RSPH14: variants seen among roughly 807,000 people sequenced by gnomAD.
RSPH14 encodes radial spoke head 14 homolog, also known as rhabdoid tumor deletion region gene 1.
RSPH14 carries 20 observed loss-of-function variants against 26.7 expected under a neutral mutation model. The observed-to-expected ratio is 0.75, with a 90% CI of 0.53 to 1.09. The LOEUF (loss-of-function observed/expected upper bound fraction) is 1.09. RSPH14 is among the 50% of genes least tolerant of loss of function. The pLI, the probability that RSPH14 is intolerant of heterozygous loss-of-function variation, is 0.00. For synonymous variants in RSPH14, 177 were observed against 189.3 expected (o/e 0.93, Z 0.53); for missense variants, 449 against 457.2 (o/e 0.98, Z 0.16).
At chr22:23,065,502 G>A (rs374249140) in intron 4 of RSPH14, among the ~76,000 whole-genome samples, 68 of 109,794 alleles carry the variant, frequency 6.2e-4, no homozygotes, top group African/African-American at 2.3e-3. Flanking sequence ...CTTCTACTGT[G>A]TTGGCCTTTT....
chr22:23,130,143 GAAA>G, intron 4 of RSPH14, among the ~76,000 whole-genome samples: 2 of 116,590 alleles, frequency 1.7e-5, no homozygotes, highest in East Asian at 2.6e-4. Flanking sequence ...AAGAAAGAAA[GAAA>G]GAAAGAAAGA....
At chr22:23,115,164 A>T (rs538190986) in intron 4 of RSPH14, among the ~76,000 whole-genome samples, 1 of 152,224 alleles carries the variant, frequency 6.6e-6, no homozygotes, top group African/African-American at 2.4e-5. Context: ...GGGAGACCAG[A>T]TGGGTCAGTA....
intron 3 of RSPH14, among the ~76,000 whole-genome samples, chr22:23,135,055 C>T (rs887686178): frequency 6.6e-6 from 1 of 152,004 alleles, no homozygotes; most frequent in African/African-American, 2.4e-5. Flanking sequence ...CCTGTGTTCC[C>T]ACCTACTCAG....
intron 4 of RSPH14, among the ~76,000 whole-genome samples, chr22:23,104,678 T>TG (rs1480581345): frequency 6.6e-6 from 1 of 152,226 alleles, no homozygotes; most frequent in Non-Finnish European, 1.5e-5. Flanking sequence ...CTGGGGGCCT[T>TG]GCTGACTTGG....
At chr22:23,078,921 G>A (rs542421649) in intron 4 of RSPH14, among the ~76,000 whole-genome samples, 20 of 152,336 alleles carry the variant, frequency 1.3e-4, no homozygotes, top group East Asian at 7.7e-4. Context: ...GGGGCTGTGC[G>A]TCTACCCGTG....
At chr22:23,122,825 T>G (rs1044918334) in intron 4 of RSPH14, 2 of 549,766 alleles carry the variant, frequency 3.6e-6, no homozygotes, top group African/African-American at 3.8e-5. Context: ...TTGAGATCAC[T>G]GGCACCCAGA....
the RSPH14 span, chr22:23,153,060 C>G: frequency 6.6e-4 from 1,072 of 1,614,082 alleles, 6 homozygotes; most frequent in African/African-American, 6.3e-3. Flanking sequence ...TTGATCGAGA[C>G]TACAAGGCCA....
chr22:23,162,497 C>G, the RSPH14 span: 2 of 395,206 alleles, frequency 5.1e-6, no homozygotes, highest in Non-Finnish European at 1.0e-5. Context: ...TAATGGTGTC[C>G]ATGCACCTTT....
chr22:23,159,413 C>A, the RSPH14 span, among the ~76,000 whole-genome samples: 2 of 152,242 alleles, frequency 1.3e-5, no homozygotes, highest in South Asian at 4.1e-4. Flanking sequence ...TGGTGCCTGG[C>A]AGCACTTTCA....
intron 4 of RSPH14, chr22:23,123,506 C>A: frequency 1.1e-6 from 1 of 928,768 alleles, no homozygotes; most frequent in Non-Finnish European, 1.7e-6. Context: ...CTAGAGAGGC[C>A]CAATCCAGGG....
chr22:23,152,891 T>C, the RSPH14 span: 10 of 668,680 alleles, frequency 1.5e-5, 1 homozygote, highest in African/African-American at 5.4e-5. Context: ...CTGGCTGCCC[T>C]GCCCACCCAT....
chr22:23,128,758 T>C (rs1164695298), intron 4 of RSPH14, among the ~76,000 whole-genome samples: 1 of 152,070 alleles, frequency 6.6e-6, no homozygotes, highest in Non-Finnish European at 1.5e-5. Flanking sequence ...GTCAAATGAA[T>C]GAAGGAATGA....
chr22:23,091,373 C>T (rs1237759001), intron 4 of RSPH14, among the ~76,000 whole-genome samples: 1 of 152,052 alleles, frequency 6.6e-6, no homozygotes, highest in Non-Finnish European at 1.5e-5. Context: ...CGCACACATA[C>T]CACAATGGAC....
chr22:23,081,284 A>G (rs1040483936), intron 4 of RSPH14, among the ~76,000 whole-genome samples: 3 of 152,216 alleles, frequency 2.0e-5, no homozygotes, highest in African/African-American at 7.2e-5. Context: ...TTAAGCAAGA[A>G]GTGGCATAAC....
chr22:23,107,334 CCCCTCCCAAGCTGCCTGTG>C (rs2069513276), intron 4 of RSPH14, among the ~76,000 whole-genome samples: 1 of 152,160 alleles, frequency 6.6e-6, no homozygotes, highest in African/African-American at 2.4e-5. Flanking sequence ...GTAAAATGGG[CCCCTCCCAAGCTGCCTGTG>C]CCCTCCTGAG....
the RSPH14 span, chr22:23,163,844 G>C: frequency 6.6e-6 from 1 of 152,232 alleles, no homozygotes; most frequent in Non-Finnish European, 1.5e-5. Flanking sequence ...CCTTCCTAGG[G>C]AGCTGGCGCC....
At chr22:23,144,092 CAAAAAAAAA>C (rs35499128), upstream of RSPH14, among the ~76,000 whole-genome samples, 1 of 24,146 alleles carries the variant, frequency 4.1e-5, no homozygotes, top group South Asian at 2.3e-3. Context: ...GACTCCATCT[CAAAAAAAAA>C]AAAAAAAAAA....
chr22:23,130,520 G>GAAAGAAAGAAAGAA (rs2070337513), intron 4 of RSPH14, among the ~76,000 whole-genome samples: 4 of 150,574 alleles, frequency 2.7e-5, no homozygotes, highest in African/African-American at 7.3e-5. Context: ...AAGAAAGAAA[G>GAAAGAAAGAAAGAA]AAAGAAAGAA....
intron 4 of RSPH14, among the ~76,000 whole-genome samples, chr22:23,108,126 G>C (rs2069537420): frequency 1.3e-5 from 2 of 152,202 alleles, no homozygotes; most frequent in South Asian, 2.1e-4. Context: ...GGGGCCAGGG[G>C]CACACAGGTG....
Sources: allele counts gnomAD v4.1 joint callset (sites outside exome capture counted in the v4.1 genomes callset), GRCh38; gene constraint gnomAD v4.1.1; transcripts MANE v1.5; gene names NCBI Gene and HGNC (gene_info 2026-07-23, HGNC 2026-07-21).